KDM2B: variants seen among roughly 807,000 people sequenced by gnomAD.
KDM2B encodes the protein lysine demethylase 2B, also known as lysine-specific demethylase 2B.
Under a neutral mutation model 150.0 loss-of-function variants are expected in KDM2B, and 26 were observed. That is an observed-to-expected ratio of 0.17 (90% CI 0.13 to 0.24). The LOEUF (loss-of-function observed/expected upper bound fraction) is 0.24, where lower values mean the gene tolerates loss of function less well. KDM2B is among the 10% of genes least tolerant of loss of function. KDM2B has a pLI of 1.00. For missense variants in KDM2B, 1,265 were observed against 1,816.9 expected, an observed-to-expected ratio of 0.70 and a Z score of 5.52; for synonymous variants, 734 against 729.5, an observed-to-expected ratio of 1.01 and a Z score of -0.10.
intron 22 of KDM2B, among the ~76,000 whole-genome samples, chr12:121,435,886 C>A (rs1873898475): frequency 6.6e-6 from 1 of 152,148 alleles, no homozygotes; most frequent in Non-Finnish European, 1.5e-5. Context: ...CAGACAAGCT[C>A]CAACCGCGTG....
intron 4 of KDM2B, among the ~76,000 whole-genome samples, chr12:121,568,866 TA>T (rs56132369): frequency 0.06 from 8,406 of 139,820 alleles, 460 homozygotes; most frequent in African/African-American, 0.14. Context: ...GCTTTTTTGT[TA>T]AAAAAAAAAA....
At chr12:121,449,632 C>T (rs782481811) in intron 13 of KDM2B, among the ~76,000 whole-genome samples, 2 of 152,178 alleles carry the variant, frequency 1.3e-5, no homozygotes, top group Admixed American at 6.5e-5. Context: ...AAGACAGTCG[C>T]GGGTTCATTA....
chr12:121,428,346 C>G (rs1437442255), downstream of KDM2B, among the ~76,000 whole-genome samples: 1 of 152,072 alleles, frequency 6.6e-6, no homozygotes, highest in East Asian at 1.9e-4. Context: ...GCATGCACCA[C>G]CACTCCTGGC....
At chr12:121,494,776 T>C in intron 11 of KDM2B, 111 bp from the exon 12 acceptor site, 3 of 749,506 alleles carry the variant, frequency 4.0e-6, no homozygotes, top group South Asian at 4.0e-5. Context: ...AGTCAGCGCC[T>C]GGCCATTGAC....
intron 12 of KDM2B, among the ~76,000 whole-genome samples, chr12:121,485,776 G>A (rs1285750182): frequency 1.3e-5 from 2 of 151,334 alleles, no homozygotes; most frequent in African/African-American, 4.8e-5. Flanking sequence ...TAGTTGAAAT[G>A]ATAACTTTTT....
At chr12:121,539,207 C>T (rs1555309280) in intron 6 of KDM2B, among the ~76,000 whole-genome samples, 1 of 151,584 alleles carries the variant, frequency 6.6e-6, no homozygotes, top group Admixed American at 6.6e-5. Flanking sequence ...ATGGTGCGCG[C>T]CTGTAGTCCC....
intron 1 of KDM2B, chr12:121,580,335 T>A (rs1346563372): frequency 1.7e-5 from 16 of 966,760 alleles, no homozygotes; most frequent in Non-Finnish European, 1.8e-5. Flanking sequence ...GCCGGGCTAT[T>A]TGGGGGGGCT....
chr12:121,534,448 A>T (rs1219971148), intron 7 of KDM2B, 49 bp downstream of exon 7: 4 of 1,408,196 alleles, frequency 2.8e-6, no homozygotes, highest in African/African-American at 1.4e-5. Flanking sequence ...GCCCCTCCCC[A>T]CACAAACAGC....
At chr12:121,545,634 G>T (rs1401857747) in intron 6 of KDM2B, among the ~76,000 whole-genome samples, 1 of 151,978 alleles carries the variant, frequency 6.6e-6, no homozygotes, top group African/African-American at 2.4e-5. Flanking sequence ...CGCTCTCCCT[G>T]CCCGTCACTC....
intron 11 of KDM2B, among the ~76,000 whole-genome samples, chr12:121,503,696 G>A (rs1884802398): frequency 6.6e-6 from 1 of 152,224 alleles, no homozygotes. Context: ...GGCAGGGGAA[G>A]TGTGGGTAGC....
chr12:121,539,663 G>T (rs998246691), intron 6 of KDM2B, among the ~76,000 whole-genome samples: 2 of 147,082 alleles, frequency 1.4e-5, no homozygotes, highest in South Asian at 2.1e-4. Flanking sequence ...TTGGCCAGCA[G>T]TTTTTTTTTT....
intron 15 of KDM2B, 45 bp downstream of exon 15, chr12:121,444,384 GGTCCCGGCCAGGCCCAGGCCC>G: frequency 6.2e-7 from 1 of 1,607,050 alleles, no homozygotes; most frequent in East Asian, 2.2e-5. Context: ...GGGACAGGCT[GGTCCCGGCCAGGCCCAGGCCC>G]GCCCCTCTCC....
At chr12:121,542,169 A>AT (rs1888657312) in intron 6 of KDM2B, among the ~76,000 whole-genome samples, 1 of 152,202 alleles carries the variant, frequency 6.6e-6, no homozygotes, top group South Asian at 2.1e-4. Flanking sequence ...ACCCACTGCC[A>AT]TATCATGAGG....
intron 4 of KDM2B, among the ~76,000 whole-genome samples, chr12:121,554,721 TTTAAA>T (rs1889774879): frequency 6.6e-6 from 1 of 152,124 alleles, no homozygotes; most frequent in Non-Finnish European, 1.5e-5. Context: ...TGTAACATAC[TTTAAA>T]TTAACACTTT....
chr12:121,516,886 C>CAAAA (rs1886252938), intron 9 of KDM2B: 2 of 569,406 alleles, frequency 3.5e-6, no homozygotes, highest in Non-Finnish European at 3.0e-6. Flanking sequence ...AAAAAAAAAT[C>CAAAA]AATGGAAAAA....
At chr12:121,439,300 C>G (rs1874557144) in intron 22 of KDM2B, among the ~76,000 whole-genome samples, 1 of 152,010 alleles carries the variant, frequency 6.6e-6, no homozygotes, top group Non-Finnish European at 1.5e-5. Flanking sequence ...TATTTTGGGT[C>G]AGGAACCACT....
intron 12 of KDM2B, among the ~76,000 whole-genome samples, chr12:121,471,891 G>A (rs1373662723): frequency 6.6e-6 from 1 of 152,170 alleles, no homozygotes; most frequent in Non-Finnish European, 1.5e-5. Flanking sequence ...CCCAGGCTTT[G>A]GGCGTGGATC....
intron 12 of KDM2B, among the ~76,000 whole-genome samples, chr12:121,489,241 G>A (rs951960437): frequency 5.3e-5 from 8 of 151,932 alleles, no homozygotes; most frequent in Admixed American, 1.3e-4. Flanking sequence ...CACTGCGCCC[G>A]GCCGGGTTTT....
chr12:121,516,954 C>G (rs1317977884), intron 9 of KDM2B: 1 of 627,500 alleles, frequency 1.6e-6, no homozygotes, highest in African/African-American at 1.9e-5. Context: ...TTGCAATTTC[C>G]AAATAGATTC....
Sources: allele counts gnomAD v4.1 joint callset (sites outside exome capture counted in the v4.1 genomes callset), GRCh38; gene constraint gnomAD v4.1.1; transcripts MANE v1.5; gene names NCBI Gene and HGNC (gene_info 2026-07-23, HGNC 2026-07-21).